LMO7: variants seen among roughly 807,000 people sequenced by gnomAD.
LMO7 encodes the protein LIM domain only protein 7.
In LMO7, 120 loss-of-function variants were observed where a neutral mutation model predicts 206.5. That is an observed-to-expected ratio of 0.58 (90% CI 0.50 to 0.68). LMO7 has a LOEUF of 0.68. Among genes scored for constraint, LMO7 ranks in the 30% least tolerant of loss-of-function variants. The pLI, the probability that LMO7 is intolerant of heterozygous loss-of-function variation, is 0.00. For synonymous variants in LMO7, 706 were observed against 681.5 expected, an observed-to-expected ratio of 1.04 and a Z score of -0.56; for missense variants, 1,959 against 1,957.9, an observed-to-expected ratio of 1.00 and a Z score of -0.01.
intron 3 of LMO7, among the ~76,000 whole-genome samples, chr13:75,743,949 A>G (rs1049640486): frequency 2.8e-4 from 42 of 152,314 alleles, no homozygotes; most frequent in African/African-American, 4.6e-4. Context: ...TGGAACTTCT[A>G]TGGATCACCA....
At chr13:75,665,277 C>G (rs1179058523) in intron 1 of LMO7, among the ~76,000 whole-genome samples, 1 of 151,990 alleles carries the variant, frequency 6.6e-6, no homozygotes, top group African/African-American at 2.4e-5. Flanking sequence ...CAGAACAAAT[C>G]TGCTCTAATA....
At chr13:75,685,245 G>A (rs2040873000) in intron 1 of LMO7, among the ~76,000 whole-genome samples, 1 of 152,176 alleles carries the variant, frequency 6.6e-6, no homozygotes, top group Non-Finnish European at 1.5e-5. Flanking sequence ...CATCCTGTAA[G>A]ACTCAGACAT....
Position 75,849,138 on chromosome 13 carries a change from A to G in LMO7, c.4210A>G (p.Lys1404Glu). The change falls in exon 27 of 31, where the codon AAA (lysine) becomes GAA (glutamate). Residue 1404 changes from lysine (K) to glutamate (E), a missense_variant. By Grantham distance (56) the Lys-to-Glu change is moderately conservative (BLOSUM62 1). Coordinates refer to ENST00000377534, the MANE Select transcript of LMO7 (RefSeq NM_001306080.2). ...NMTSSQRRSK[K>E]EQVPSGAELE... ...GACCTCTTCACAGAGGAGATCCAAG[A>G]AAGAACAAGTACCATCAGGAGCAGA... 3 of 1,613,646 alleles carry G rather than the reference A, an allele frequency of 1.9e-6. No homozygotes were observed. Among genetic ancestry groups the G allele is most frequent in the Non-Finnish European group, 2.5e-6 (3 of 1,179,550 alleles).
intron 17 of LMO7, 128 bp downstream of exon 17, chr13:75,834,515 GT>G (rs2058956164): frequency 1.5e-6 from 1 of 660,382 alleles, no homozygotes; most frequent in Non-Finnish European, 2.4e-6. Context: ...GGTTTTTGTA[GT>G]TACGTCATGA....
At chr13:75,853,846 C>T (rs528806336) in intron 28 of LMO7, among the ~76,000 whole-genome samples, 4 of 152,264 alleles carry the variant, frequency 2.6e-5, no homozygotes, top group Non-Finnish European at 5.9e-5. Context: ...AATGCTTTTC[C>T]GGGCATGCTC....
chr13:75,731,386 G>A (rs1406749747), intron 3 of LMO7, among the ~76,000 whole-genome samples: 5 of 152,054 alleles, frequency 3.3e-5, no homozygotes, highest in Admixed American at 3.3e-4. Flanking sequence ...TTATGTAATG[G>A]CCTTCTTTGT....
intron 1 of LMO7, among the ~76,000 whole-genome samples, chr13:75,703,681 A>G (rs1057092106): frequency 3.9e-5 from 6 of 151,932 alleles, no homozygotes; most frequent in Non-Finnish European, 7.4e-5. Flanking sequence ...GGAGTCTGGT[A>G]CTTCCATCTC....
chr13:75,650,007 T>G (rs1296702434), intron 1 of LMO7, among the ~76,000 whole-genome samples: 2 of 152,170 alleles, frequency 1.3e-5, no homozygotes, highest in Non-Finnish European at 2.9e-5. Flanking sequence ...TTTTAAAATT[T>G]TATGTTTTTT....
chr13:75,700,344 A>G (rs957835657), intron 1 of LMO7, among the ~76,000 whole-genome samples: 4 of 152,240 alleles, frequency 2.6e-5, no homozygotes, highest in African/African-American at 9.6e-5. Context: ...TTCACAATTT[A>G]TGTTCAGAGA....
intron 4 of LMO7, among the ~76,000 whole-genome samples, chr13:75,762,673 C>T (rs2048349828): frequency 1.3e-5 from 2 of 152,062 alleles, no homozygotes; most frequent in Admixed American, 1.3e-4. Context: ...TGCGAGGTCA[C>T]GTAGTTATAG....
chr13:75,686,654 A>G (rs928032883), intron 1 of LMO7, among the ~76,000 whole-genome samples: 10 of 152,032 alleles, frequency 6.6e-5, no homozygotes, highest in Non-Finnish European at 1.3e-4. Flanking sequence ...AGTTTGTGGC[A>G]ACAGTATCCA....
intron 1 of LMO7, among the ~76,000 whole-genome samples, chr13:75,693,268 T>A (rs2041636203): frequency 6.6e-6 from 1 of 152,254 alleles, no homozygotes; most frequent in Admixed American, 6.5e-5. Context: ...AACCACATTT[T>A]GATAAATGTA....
At chr13:75,829,711 TA>T (rs1265410856) in intron 15 of LMO7, among the ~76,000 whole-genome samples, 4 of 146,336 alleles carry the variant, frequency 2.7e-5, no homozygotes, top group East Asian at 2.0e-4. Flanking sequence ...TTTTTTTTTT[TA>T]AATTCTATCT....
At chr13:75,712,881 T>TA (rs2043229365) in intron 1 of LMO7, among the ~76,000 whole-genome samples, 1 of 152,190 alleles carries the variant, frequency 6.6e-6, no homozygotes, top group Admixed American at 6.5e-5. Context: ...ATATATAAAA[T>TA]ATGTTGAAAA....
chr13:75,777,821 G>T (rs1307690559), intron 4 of LMO7, among the ~76,000 whole-genome samples: 3 of 151,390 alleles, frequency 2.0e-5, no homozygotes, highest in Non-Finnish European at 3.0e-5. Context: ...AATTTTTTGT[G>T]TTTTTAGTAG....
At chr13:75,791,621 G>A (rs766265494) in intron 4 of LMO7, among the ~76,000 whole-genome samples, 1 of 152,128 alleles carries the variant, frequency 6.6e-6, no homozygotes, top group Non-Finnish European at 1.5e-5. Context: ...AATCACAAAA[G>A]TCCTTTTGGA....
chr13:75,857,661 C>T (rs900754585), intron 30 of LMO7: 1 of 304,658 alleles, frequency 3.3e-6, no homozygotes, highest in African/African-American at 2.2e-5. Context: ...TGCCTTTTCT[C>T]TCCTCCAAAA....
At chr13:75,732,652 G>A (rs997828304) in intron 3 of LMO7, among the ~76,000 whole-genome samples, 8 of 152,186 alleles carry the variant, frequency 5.3e-5, no homozygotes, top group Non-Finnish European at 1.0e-4. Context: ...GTCCAGCTTT[G>A]TTCCATTGCT....
chr13:75,694,014 TAAAAA>T (rs58590514), intron 1 of LMO7, among the ~76,000 whole-genome samples: 1 of 145,972 alleles, frequency 6.9e-6, no homozygotes, highest in Admixed American at 6.8e-5. Flanking sequence ...GACCTTAAAA[TAAAAA>T]AAAAAACTAT....
Sources: gnomAD v4.1 joint callset for allele counts (sites outside exome capture counted in the v4.1 genomes callset) on GRCh38, gnomAD v4.1.1 for gene constraint, MANE v1.5 for transcripts, NCBI Gene and HGNC (gene_info 2026-07-23, HGNC 2026-07-21) for gene names.